Variants in TSKU observed in about 807,000 individuals in gnomAD.
The protein encoded by TSKU is tsukushi.
Under a neutral mutation model 11.2 loss-of-function variants are expected in TSKU, and 4 were observed. That is an observed-to-expected ratio of 0.36 (90% CI 0.18 to 0.82). The LOEUF is 0.82. TSKU is among the 40% of genes least tolerant of loss of function. TSKU has a pLI of 0.50. For synonymous variants in TSKU, 220 were observed against 232.2 expected, an observed-to-expected ratio of 0.95 and a Z score of 0.48; for missense variants, 407 against 482.5, an observed-to-expected ratio of 0.84 and a Z score of 1.47.
upstream of TSKU, chr11:76,782,993 A>T (rs1222682373): frequency 6.6e-6 from 1 of 152,182 alleles, no homozygotes; most frequent in Non-Finnish European, 1.5e-5. Flanking sequence ...ACACATACAC[A>T]GGCACGTACT....
At chr11:76,790,575 T>C (rs1387844189) in intron 1 of TSKU, among the ~76,000 whole-genome samples, 1 of 152,172 alleles carries the variant, frequency 6.6e-6, no homozygotes, top group Non-Finnish European at 1.5e-5. Flanking sequence ...TTCCCATGTG[T>C]TGTGGGAGGG....
chr11:76,790,799 T>C (rs980974976), intron 1 of TSKU, among the ~76,000 whole-genome samples: 1 of 152,112 alleles, frequency 6.6e-6, no homozygotes, highest in African/African-American at 2.4e-5. Flanking sequence ...ACTAATACAG[T>C]AAATTGGTAC....
chr11:76,787,658 G>T (rs777560121), intron 1 of TSKU, among the ~76,000 whole-genome samples: 1 of 152,202 alleles, frequency 6.6e-6, no homozygotes, highest in African/African-American at 2.4e-5. Context: ...GCATCTTCAC[G>T]TGGTGTCTGC....
At position 76,795,720 on chromosome 11, in the gene TSKU, A is replaced by C. The variant is rs1944430876; in HGVS notation, c.104A>C (p.Asp35Ala). ...QCEVETFGLF[D>A]SFSLTRVDCS... is the part of the protein sequence containing the mutation. Reference sequence around the variant, plus strand: ...GAGGTGGAGACCTTCGGCCTTTTCGACAGCTTCAGCCTGACTCGGGTGGAT... The same window carrying C: ...GAGGTGGAGACCTTCGGCCTTTTCGCCAGCTTCAGCCTGACTCGGGTGGAT... Residue 35 changes from aspartate (D) to alanine (A), a missense_variant, in exon 2 of 2, where the codon GAC (aspartate) becomes GCC (alanine). Transcript: ENST00000333090. The C allele has an allele frequency of 5.6e-6, 9 of 1,613,998 alleles. No individual in the cohort carries two copies. Among genetic ancestry groups the C allele is most frequent in the Admixed American group, 3.3e-5 (2 of 60,010 alleles).
intron 1 of TSKU, among the ~76,000 whole-genome samples, chr11:76,785,267 T>G (rs1484075917): frequency 9.2e-5 from 14 of 152,228 alleles, no homozygotes; most frequent in African/African-American, 2.9e-4. Context: ...CAGATCAGTC[T>G]TCTTCTTAAT....
chr11:76,794,907 C>T (rs1220079189), intron 1 of TSKU, among the ~76,000 whole-genome samples: 1 of 152,224 alleles, frequency 6.6e-6, no homozygotes. Context: ...CCCGGCCAGA[C>T]CACAGGTGCT....
upstream of TSKU, chr11:76,783,167 G>C (rs1243116623): frequency 6.6e-6 from 1 of 152,138 alleles, no homozygotes; most frequent in East Asian, 1.9e-4. Flanking sequence ...TGGAACCCGG[G>C]CTCGGCTCAG....
intron 1 of TSKU, among the ~76,000 whole-genome samples, chr11:76,783,855 G>T (rs960657102): frequency 6.6e-6 from 1 of 152,174 alleles, no homozygotes; most frequent in Non-Finnish European, 1.5e-5. Context: ...GACGTGTCTG[G>T]GCTGGGTGTC....
chr11:76,796,774 G>A lies in TSKU; in HGVS notation c.*96G>A. On this transcript the variant is annotated 3_prime_UTR_variant, in exon 2 of 2. Coordinates refer to ENST00000333090, the MANE Select transcript of TSKU (RefSeq NM_015516.4). The surrounding 1 kb of genome is among the most constrained non-coding windows in gnomAD (Gnocchi z 4.1). ...TTCAATGTGCCAACACCAGTGGGGA[G>A]CCCGCAGGCCTATGTGGCAGCGTCA... 2.0e-6 allele frequency: 2 copies of A among 980,038 alleles called. No individual in the cohort carries two copies. The highest frequency in any genetic ancestry group is 1.4e-6 in the Non-Finnish European group (1 of 709,984). 60.7% of individuals were successfully genotyped at this position (980,038 alleles called of 1,614,324 possible).
intron 1 of TSKU, among the ~76,000 whole-genome samples, 153 bp downstream of exon 1, chr11:76,783,557 C>G (rs891683173): frequency 2.0e-5 from 3 of 152,138 alleles, no homozygotes; most frequent in Admixed American, 6.5e-5. Context: ...CAACTTTCGT[C>G]GGACGCCTAG....
In TSKU at chr11:76,795,723, G is replaced by C; in HGVS notation, c.107G>C (p.Ser36Thr). 1 of 1,614,214 alleles carries C rather than the reference G, an allele frequency of 6.2e-7. No homozygotes were observed. Among genetic ancestry groups the C allele is most frequent in the Non-Finnish European group, 8.5e-7 (1 of 1,180,042 alleles). The change falls in exon 2 of 2, where the codon AGC becomes ACC. Residue 36 changes from serine (S) to threonine (T), a missense_variant. Transcript: ENST00000333090. Reference sequence around the variant, plus strand: ...GTGGAGACCTTCGGCCTTTTCGACAGCTTCAGCCTGACTCGGGTGGATTGT... The same window carrying C: ...GTGGAGACCTTCGGCCTTTTCGACACCTTCAGCCTGACTCGGGTGGATTGT... ...CEVETFGLFDSFSLTRVDCSG... is the reference protein window; with the variant it reads ...CEVETFGLFDTFSLTRVDCSG...
upstream of TSKU, chr11:76,782,453 G>A (rs1188442761): frequency 6.6e-6 from 1 of 151,824 alleles, no homozygotes; most frequent in Non-Finnish European, 1.5e-5. Flanking sequence ...GTCGGGGTGT[G>A]TAGACTGGGA....
Position 76,796,593 on chromosome 11 carries a change from C to G in TSKU, c.977C>G (p.Pro326Arg). Residue 326 changes from proline to arginine, a missense_variant, in exon 2 of 2, where the codon CCC becomes CGC. By Grantham distance (103) the Pro-to-Arg change is moderately radical (BLOSUM62 -2). Transcript: ENST00000333090. This position sits in a 1 kb window ranked among gnomAD's most constrained non-coding sequence, Gnocchi z 4.1. ...CGCCTGGTGCGGGAGGGCACCTACC[C>G]CCGGAGGCCTGGCTCCAGCCCCAAG... ...CRRLVREGTY[P>R]RRPGSSPKVA... 2 of 1,526,912 alleles carry G rather than the reference C, an allele frequency of 1.3e-6. No individual in the cohort carries two copies. Among genetic ancestry groups the G allele is most frequent in the Non-Finnish European group, 1.8e-6 (2 of 1,136,522 alleles). 94.6% of individuals were successfully genotyped at this position (1,526,912 alleles called of 1,614,324 possible). A position where few individuals can be genotyped will look rare whatever the true frequency, so the allele number is the denominator to read the frequency against.
At chr11:76,795,104 C>A (rs2134403657) in intron 1 of TSKU, among the ~76,000 whole-genome samples, 1 of 152,322 alleles carries the variant, frequency 6.6e-6, no homozygotes, top group Admixed American at 6.5e-5. Flanking sequence ...AACACTTGCT[C>A]AGCAGAGAGT....
intron 1 of TSKU, among the ~76,000 whole-genome samples, chr11:76,784,748 G>C (rs559771149): frequency 5.9e-5 from 6 of 101,854 alleles, no homozygotes; most frequent in Middle Eastern, 4.8e-3. Flanking sequence ...ACCGGAGGTG[G>C]GGGGGGGGGG....
chr11:76,789,222 A>G (rs1306078017), intron 1 of TSKU, among the ~76,000 whole-genome samples: 4 of 152,246 alleles, frequency 2.6e-5, no homozygotes, highest in Non-Finnish European at 5.9e-5. Flanking sequence ...AAGTCCATCA[A>G]GGGAAGGCTG....
intron 1 of TSKU, among the ~76,000 whole-genome samples, chr11:76,788,117 C>G (rs773745631): frequency 6.6e-6 from 1 of 152,050 alleles, no homozygotes; most frequent in African/African-American, 2.4e-5. Flanking sequence ...CGTTTCTGAA[C>G]CATCCACCTG....
rs889843084 is a variant in TSKU, at chr11:76,795,222, C to T, written c.-8-387C>T. On this transcript the variant is annotated intron_variant, in intron 1 of 1. Transcript: ENST00000333090. ...TCTGGACCATCAGAGCTGGAGAGGC[C>T]AGCCCGAGAAACCGTCTAGTCTGGT... Among the ~76,000 whole-genome samples, 9 of 152,312 alleles carry T rather than the reference C, an allele frequency of 5.9e-5. No individual in the cohort carries two copies. The East Asian group carries it at 1.7e-3, about 29-fold the overall frequency.
rs751031690 is a variant in TSKU at position 76,796,989 on chromosome 11, G to A, written c.*311G>A. On this transcript the variant is annotated 3_prime_UTR_variant, in exon 2 of 2. Transcript: ENST00000333090. The surrounding 1 kb of genome is among the most constrained non-coding windows in gnomAD (Gnocchi z 4.1). Reference sequence around the variant, plus strand: ...AAGTGCCTTCCCTCATGCCTGGGCCGGCCTGACCCGCAATGGGCAGAGGGT... The same window carrying A: ...AAGTGCCTTCCCTCATGCCTGGGCCAGCCTGACCCGCAATGGGCAGAGGGT... 12 of 254,728 alleles carry A rather than the reference G, an allele frequency of 4.7e-5. No homozygotes were observed. The highest frequency in any genetic ancestry group is 7.2e-5 in the Non-Finnish European group (9 of 124,872). The allele number at this position is 254,728 out of a possible 1,614,324, so 15.8% of individuals were successfully genotyped here. A position where few individuals can be genotyped will look rare whatever the true frequency, so the allele number is the denominator to read the frequency against.
Sources: gnomAD v4.1 joint callset for allele counts (sites outside exome capture counted in the v4.1 genomes callset) on GRCh38, gnomAD v4.1.1 for gene constraint, Gnocchi (gnomAD v3.1) non-coding constraint, MANE v1.5 for transcripts, NCBI Gene and HGNC (gene_info 2026-07-23, HGNC 2026-07-21) for gene names.